BDNF: variants seen among roughly 807,000 people sequenced by gnomAD.
BDNF encodes the protein neurotrophic factor BDNF precursor form.
Under a neutral mutation model 19.5 loss-of-function variants are expected in BDNF, and 1 was observed. That is an observed-to-expected ratio of 0.05 (90% CI 0.02 to 0.24). BDNF has a LOEUF of 0.24. BDNF is among the 10% of genes least tolerant of loss of function. The pLI, the probability that BDNF is intolerant of heterozygous loss-of-function variation, is 1.00. For synonymous variants in BDNF, 100 were observed against 121.6 expected (o/e 0.82, Z 1.17); for missense variants, 195 against 317.6 (o/e 0.61, Z 2.93).
chr11:27,699,240 C>A, intron 1 of BDNF: 4 of 1,000,160 alleles, frequency 4.0e-6, no homozygotes, highest in African/African-American at 1.6e-5. Flanking sequence ...AACACACAAA[C>A]ACTGCATCCT....
chr11:27,658,423 C>T lies in BDNF; in HGVS notation c.142G>A (p.Gly48Arg), dbSNP rs1852851466. The T allele has an allele frequency of 3.7e-6, 6 of 1,614,078 alleles. No homozygotes were observed. The highest frequency in any genetic ancestry group is 5.1e-6 in the Non-Finnish European group (6 of 1,180,036). The change falls in exon 2 of 2, where the codon GGG becomes AGG. Residue 48 changes from glycine (G) to arginine (R), a missense_variant. Gly to Arg is a moderately radical substitution (Grantham distance 125). Transcript: ENST00000356660. The surrounding 1 kb of genome is among the most constrained non-coding windows in gnomAD (Gnocchi z 5.7). ...AAGCCTCTTGAACCTGCCTTGGGCC[C>T]ATTCACGCTCTCCAGAGTCCCATGG... Reference protein sequence around the residue: ...RTHGTLESVNGPKAGSRGLTS... With the variant: ...RTHGTLESVNRPKAGSRGLTS...
intron 1 of BDNF, among the ~76,000 whole-genome samples, chr11:27,661,955 A>G (rs1450051293): frequency 6.6e-6 from 1 of 151,976 alleles, no homozygotes; most frequent in Non-Finnish European, 1.5e-5. Context: ...CCTTCCCTAA[A>G]ATTCCACATT....
At chr11:27,718,359 C>T (rs1384632742) in intron 1 of BDNF, among the ~76,000 whole-genome samples, 3 of 144,498 alleles carry the variant, frequency 2.1e-5, no homozygotes, top group Non-Finnish European at 4.6e-5. Flanking sequence ...ACACCACCCC[C>T]CCCCGCCCCT....
intron 1 of BDNF, among the ~76,000 whole-genome samples, chr11:27,710,189 T>G (rs1024047229): frequency 6.6e-6 from 1 of 152,212 alleles, no homozygotes; most frequent in Non-Finnish European, 1.5e-5. Context: ...TGAAGTCTCT[T>G]CATAGACTTC....
chr11:27,678,112 C>T (rs1377429662), intron 1 of BDNF, among the ~76,000 whole-genome samples: 1 of 152,170 alleles, frequency 6.6e-6, no homozygotes, highest in African/African-American at 2.4e-5. Flanking sequence ...CCATTTTTTA[C>T]CAACAAATTA....
intron 1 of BDNF, among the ~76,000 whole-genome samples, chr11:27,669,538 T>A (rs76069707): frequency 9.2e-5 from 14 of 151,900 alleles, no homozygotes; most frequent in Non-Finnish European, 1.9e-4. Flanking sequence ...CTCCTTAAGC[T>A]GATAAGCAAC....
chr11:27,664,730 C>CGATT (rs1217999671), intron 1 of BDNF, among the ~76,000 whole-genome samples: 1 of 152,120 alleles, frequency 6.6e-6, no homozygotes, highest in East Asian at 1.9e-4. Flanking sequence ...CTACAGTGAG[C>CGATT]GATTGATCAT....
chr11:27,711,504 G>C (rs1244327484), intron 1 of BDNF, among the ~76,000 whole-genome samples: 3 of 152,182 alleles, frequency 2.0e-5, no homozygotes, highest in African/African-American at 7.2e-5. Flanking sequence ...TCAAGATCTT[G>C]TAAGAAAATG....
intron 1 of BDNF, among the ~76,000 whole-genome samples, chr11:27,708,711 A>G (rs1860208566): frequency 6.6e-6 from 1 of 152,062 alleles, no homozygotes. Context: ...TGCTCCAAAG[A>G]GTATTTAGTT....
chr11:27,697,160 CACACAG>C (rs1210717997), intron 1 of BDNF, among the ~76,000 whole-genome samples: 7,316 of 117,690 alleles, frequency 0.062, 211 homozygotes, highest in South Asian at 0.21. Context: ...CACACACACA[CACACAG>C]AGAGAGAGAG....
chr11:27,683,235 C>T (rs562762820), intron 1 of BDNF, among the ~76,000 whole-genome samples: 40 of 152,216 alleles, frequency 2.6e-4, no homozygotes, highest in African/African-American at 6.5e-4. Flanking sequence ...TCATACCCTT[C>T]GCCCACTTTT....
intron 1 of BDNF, among the ~76,000 whole-genome samples, chr11:27,679,300 T>A (rs1423983865): frequency 6.6e-6 from 1 of 152,212 alleles, no homozygotes; most frequent in African/African-American, 2.4e-5. Flanking sequence ...TCTAGGAGGC[T>A]TACTATCCTA....
At position 27,655,313 on chromosome 11, in the gene BDNF, C is replaced by G. The variant is rs1474739017; in HGVS notation, c.*2508G>C. The stretch of plus-strand genomic sequence containing the variant: ...AAATAAATCTTAGGTCAACATAAAC[C>G]ATCAAGCATGTGACTGTGATGTATC... On this transcript the variant is annotated 3_prime_UTR_variant, in exon 2 of 2. Coordinates refer to ENST00000356660, the MANE Select transcript of BDNF (RefSeq NM_001709.5). 6.6e-6 allele frequency: 1 copy of G among 152,574 alleles called. No individual in the cohort carries two copies. The highest frequency in any genetic ancestry group is 1.5e-5 in the Non-Finnish European group (1 of 68,046). The allele number at this position is 152,574 out of a possible 1,614,324, so 9.5% of individuals were successfully genotyped here. A position where few individuals can be genotyped will look rare whatever the true frequency, so the allele number is the denominator to read the frequency against.
In BDNF at chr11:27,700,393, C is replaced by A. The variant is rs1163883398; in HGVS notation, c.-251G>T. The A allele has an allele frequency of 1.0e-6, 1 of 986,062 alleles. No individual in the cohort carries two copies. Among genetic ancestry groups the A allele is most frequent in the South Asian group, 4.6e-5 (1 of 21,706 alleles). 61.1% of individuals were successfully genotyped at this position (986,062 alleles called of 1,614,324 possible). A position where few individuals can be genotyped will look rare whatever the true frequency, so the allele number is the denominator to read the frequency against. ...AGGCGCTACGGGGTGCGCGGGACAG[C>A]GAGCGGGCGGGTGCGCCCGGGCGCG... On this transcript the variant is annotated 5_prime_UTR_variant, in exon 1 of 2. Transcript: ENST00000356660.
chr11:27,692,925 T>G (rs1389870832), intron 1 of BDNF, among the ~76,000 whole-genome samples: 1 of 152,186 alleles, frequency 6.6e-6, no homozygotes, highest in South Asian at 2.1e-4. Flanking sequence ...CTGAATGTTA[T>G]TTTTACTAAT....
In BDNF at chr11:27,700,261, C is replaced by T. The variant is rs1484530168; in HGVS notation, c.-119G>A. On this transcript the variant is annotated 5_prime_UTR_variant, in exon 1 of 2. Transcript: ENST00000356660. ...CCCAGCCCCGGTCCCCGTCGCGGTG[C>T]TGCTCCCCGCCGGCCCCACAGCAGC... The T allele has an allele frequency of 6.1e-6, 6 of 985,500 alleles. No homozygotes were observed. Among genetic ancestry groups the T allele is most frequent in the African/African-American group, 1.7e-5 (1 of 57,230 alleles). 61.0% of individuals were successfully genotyped at this position (985,500 alleles called of 1,614,324 possible). A position where few individuals can be genotyped will look rare whatever the true frequency, so the allele number is the denominator to read the frequency against.
chr11:27,701,820 C>A (rs1448398263), upstream of BDNF, among the ~76,000 whole-genome samples: 1 of 152,192 alleles, frequency 6.6e-6, no homozygotes, highest in African/African-American at 2.4e-5. Flanking sequence ...GTTTTCACTT[C>A]CAGCCCCAGC....
intron 1 of BDNF, among the ~76,000 whole-genome samples, chr11:27,717,057 G>A (rs1243143315): frequency 6.6e-6 from 1 of 152,078 alleles, no homozygotes; most frequent in Non-Finnish European, 1.5e-5. Flanking sequence ...TCCCCTAGAG[G>A]ACAGGCCAGG....
At position 27,711,860 on chromosome 11, in the gene BDNF, G is replaced by A. The variant is rs531385964; in HGVS notation, c.3+9552C>T. 3.3e-5 allele frequency among the ~76,000 whole-genome samples: 5 copies of A among 152,286 alleles called. No individual in the cohort carries two copies. In the South Asian group the frequency reaches 6.2e-4, roughly 19 times the overall value. On this transcript the variant is annotated intron_variant, in intron 1 of 1. Coordinates refer to the BDNF transcript ENST00000314915. Reference sequence around the variant, plus strand: ...CAGGAAGAGTTTCAGTAATCTCTTGGGTTAGTGAGGTCAGAACAGGTATCT... The same window carrying A: ...CAGGAAGAGTTTCAGTAATCTCTTGAGTTAGTGAGGTCAGAACAGGTATCT...
Sources: allele counts gnomAD v4.1 joint callset (sites outside exome capture counted in the v4.1 genomes callset), GRCh38; gene constraint gnomAD v4.1.1; non-coding constraint Gnocchi (gnomAD v3.1); transcripts MANE v1.5; gene names NCBI Gene and HGNC (gene_info 2026-07-23, HGNC 2026-07-21).